The following CNTN4 variants were observed in gnomAD, a reference collection of about 807,000 sequenced individuals.
CNTN4 encodes contactin 4, also known as contactin-4.
In CNTN4, 77 loss-of-function variants were observed where a neutral mutation model predicts 122.5. The observed-to-expected ratio is 0.63, with a 90% confidence interval of 0.52 to 0.76. The LOEUF is 0.76. Among genes scored for constraint, CNTN4 ranks in the 30% least tolerant of loss-of-function variants. The pLI is 0.00. For synonymous variants in CNTN4, 512 were observed against 447.0 expected (o/e 1.15, Z -1.83); for missense variants, 1,256 against 1,259.1 (o/e 1.00, Z 0.04).
chr3:2,171,823 G>A (rs1454502903), intron 2 of CNTN4, among the ~76,000 whole-genome samples: 2 of 152,156 alleles, frequency 1.3e-5, no homozygotes, highest in Admixed American at 6.5e-5. Flanking sequence ...CTGGGCTCTT[G>A]GTGTGTTTGG....
intron 7 of CNTN4, among the ~76,000 whole-genome samples, chr3:2,863,080 G>A (rs1451170435): frequency 6.6e-6 from 1 of 152,152 alleles, no homozygotes; most frequent in Non-Finnish European, 1.5e-5. Flanking sequence ...CAAGCGATTT[G>A]TTGGGTATGT....
chr3:3,051,536 C>G (rs1015072039), intron 23 of CNTN4, among the ~76,000 whole-genome samples: 5 of 152,162 alleles, frequency 3.3e-5, no homozygotes, highest in Non-Finnish European at 7.3e-5. Context: ...CCAGATGTGA[C>G]CTTGCATCCC....
chr3:3,002,962 G>A (rs914343498), intron 14 of CNTN4, among the ~76,000 whole-genome samples: 5 of 152,164 alleles, frequency 3.3e-5, no homozygotes, highest in Middle Eastern at 3.2e-3. Flanking sequence ...ATGGTCATGC[G>A]ATGAGGACCT....
intron 2 of CNTN4, among the ~76,000 whole-genome samples, chr3:2,106,726 G>A (rs111281245): frequency 0.029 from 4,407 of 152,264 alleles, 82 homozygotes; most frequent in Non-Finnish European, 0.033. Context: ...CCATTGTCCT[G>A]GCTCCTCCTT....
intron 4 of CNTN4, among the ~76,000 whole-genome samples, chr3:2,625,462 C>G (rs1326436334): frequency 6.6e-6 from 1 of 152,176 alleles, no homozygotes; most frequent in Non-Finnish European, 1.5e-5. Context: ...TTCCAGAATG[C>G]TCCTCTGTGA....
At chr3:2,371,341 C>T (rs1179340526) in intron 3 of CNTN4, among the ~76,000 whole-genome samples, 3 of 152,092 alleles carry the variant, frequency 2.0e-5, no homozygotes, top group African/African-American at 7.2e-5. Context: ...AAAGTTTGCT[C>T]ATCTGTCACC....
chr3:2,331,864 A>C (rs150664542), intron 2 of CNTN4, among the ~76,000 whole-genome samples: 1 of 152,292 alleles, frequency 6.6e-6, no homozygotes, highest in East Asian at 1.9e-4. Context: ...AAATGATTGT[A>C]GTTTTCCTGC....
chr3:2,205,519 C>T (rs2038300175), intron 2 of CNTN4, among the ~76,000 whole-genome samples: 1 of 151,966 alleles, frequency 6.6e-6, no homozygotes, highest in South Asian at 2.1e-4. Context: ...ATTCCTGGAA[C>T]TGGTTTGGGC....
intron 4 of CNTN4, among the ~76,000 whole-genome samples, chr3:2,584,469 T>G (rs1411710763): frequency 6.6e-6 from 1 of 151,998 alleles, no homozygotes; most frequent in Non-Finnish European, 1.5e-5. Context: ...TTTGTGAGGC[T>G]GAGGCGGGCG....
chr3:2,237,959 A>G (rs868716036), intron 2 of CNTN4, among the ~76,000 whole-genome samples: 16 of 152,284 alleles, frequency 1.1e-4, no homozygotes, highest in Admixed American at 3.9e-4. Context: ...ATAAAATATC[A>G]TAATAAAATC....
intron 3 of CNTN4, among the ~76,000 whole-genome samples, chr3:2,488,746 G>A (rs1221835294): frequency 6.6e-6 from 1 of 152,164 alleles, no homozygotes; most frequent in East Asian, 1.9e-4. Context: ...AGGACTTACT[G>A]TGAACACATC....
rs147060944 is a variant in CNTN4, at chr3:2,250,887, C to G, written c.-144-88291C>G. Among the ~76,000 whole-genome samples, 800 of 151,742 alleles carry G rather than the reference C, an allele frequency of 5.3e-3. 11 individuals are homozygous for G. Among genetic ancestry groups the G allele is most frequent in the African/African-American group, 0.018 (761 of 41,460 alleles). On this transcript the variant is annotated intron_variant, in intron 2 of 24. Transcript: ENST00000418658. Reference sequence around the variant, plus strand: ...AATAGAGCCTTTTACTGATTTTGCTCTAGTTCTAGTTAATGAAGAAAAGAA... The same window carrying G: ...AATAGAGCCTTTTACTGATTTTGCTGTAGTTCTAGTTAATGAAGAAAAGAA...
rs570974031 is a variant in CNTN4 at position 2,138,069 on chromosome 3, T to C, written c.-145+37430T>C. Among the ~76,000 whole-genome samples, 665 of 150,192 alleles carry C rather than the reference T, an allele frequency of 4.4e-3. 3 individuals are homozygous for C. Among genetic ancestry groups the C allele is most frequent in the East Asian group, 0.018 (91 of 5,110 alleles). ...ACCTCCCAATATTCTTCTTCTTCTT[T>C]TTTTTTTTTTTTTTCGAGACGGAGT... On this transcript the variant is annotated intron_variant, in intron 2 of 24. Coordinates refer to ENST00000418658, the MANE Select transcript of CNTN4 (RefSeq NM_175607.3).
chr3:2,678,215 A>G (rs1559378682), intron 4 of CNTN4, among the ~76,000 whole-genome samples: 1 of 152,130 alleles, frequency 6.6e-6, no homozygotes, highest in Non-Finnish European at 1.5e-5. Context: ...ATTATTTTTA[A>G]TTGTTAAACT....
At chr3:2,547,592 G>T (rs116124777) in intron 3 of CNTN4, among the ~76,000 whole-genome samples, 2,240 of 152,138 alleles carry the variant, frequency 0.015, 31 homozygotes, top group Non-Finnish European at 0.022. Context: ...GAATTTAATG[G>T]AATGATTCAA....
chr3:2,101,333 A>T (rs908274983), intron 2 of CNTN4, among the ~76,000 whole-genome samples: 2 of 152,216 alleles, frequency 1.3e-5, no homozygotes, highest in Non-Finnish European at 2.9e-5. Flanking sequence ...TGCTCAGCAG[A>T]AAATTCCCAT....
intron 3 of CNTN4, among the ~76,000 whole-genome samples, chr3:2,524,727 G>T (rs968471543): frequency 6.6e-6 from 1 of 152,082 alleles, no homozygotes; most frequent in South Asian, 2.1e-4. Flanking sequence ...CACTGTCCAT[G>T]AATTAAGGAT....
chr3:2,554,915 T>C (rs1170988446), intron 3 of CNTN4, among the ~76,000 whole-genome samples: 1 of 152,148 alleles, frequency 6.6e-6, no homozygotes, highest in Non-Finnish European at 1.5e-5. Flanking sequence ...GATGAAAAAG[T>C]AAATCTAGGA....
In CNTN4 at chr3:2,841,786, C is replaced by A. The variant is rs1004384240; in HGVS notation, c.454+22205C>A. ...ATTTTCAGGAATTTTATTCTTCCTCCCTTGACCACAAATATTAAACGTTTC... is the reference window on the plus strand; with the variant it reads ...ATTTTCAGGAATTTTATTCTTCCTCACTTGACCACAAATATTAAACGTTTC... On this transcript the variant is annotated intron_variant, in intron 7 of 24. Coordinates refer to ENST00000418658, the MANE Select transcript of CNTN4 (RefSeq NM_175607.3). The surrounding 1 kb of genome is among the most constrained non-coding windows in gnomAD (Gnocchi z 4.8). Among the ~76,000 whole-genome samples, 3 of 151,836 alleles carry A rather than the reference C, an allele frequency of 2.0e-5. No homozygotes were observed. The highest frequency in any genetic ancestry group is 7.3e-5 in the African/African-American group (3 of 41,120).
Sources: allele counts gnomAD v4.1 joint callset (sites outside exome capture counted in the v4.1 genomes callset), GRCh38; gene constraint gnomAD v4.1.1; non-coding constraint Gnocchi (gnomAD v3.1); transcripts MANE v1.5; gene names NCBI Gene and HGNC (gene_info 2026-07-23, HGNC 2026-07-21).